NEGR1: variants seen among roughly 807,000 people sequenced by gnomAD.
The protein encoded by NEGR1 is IgLON family member 4.
In NEGR1, 10 loss-of-function variants were observed where a neutral mutation model predicts 40.9. The ratio of observed to expected loss-of-function variants is 0.24; its 90% CI spans 0.15 to 0.42. The LOEUF is 0.42. Among genes scored for constraint, NEGR1 ranks in the 10% least tolerant of loss-of-function variants. NEGR1 has a pLI of 1.00. For synonymous variants in NEGR1, 185 were observed against 166.8 expected, an observed-to-expected ratio of 1.11 and a Z score of -0.84; for missense variants, 352 against 438.9, an observed-to-expected ratio of 0.80 and a Z score of 1.77.
chr1:72,182,916 A>G (rs1652440030), intron 1 of NEGR1, among the ~76,000 whole-genome samples: 1 of 152,018 alleles, frequency 6.6e-6, no homozygotes, highest in Non-Finnish European at 1.5e-5. Flanking sequence ...TTTCCTTAAA[A>G]TGAAAACAAA....
chr1:72,187,136 T>C (rs1297870040), intron 1 of NEGR1, among the ~76,000 whole-genome samples: 1 of 151,552 alleles, frequency 6.6e-6, no homozygotes, highest in Non-Finnish European at 1.5e-5. Flanking sequence ...TTCTAGTGCT[T>C]TTCTCTTTAG....
chr1:71,945,414 C>T (rs757732822), intron 1 of NEGR1, among the ~76,000 whole-genome samples: 1 of 151,824 alleles, frequency 6.6e-6, no homozygotes, highest in Non-Finnish European at 1.5e-5. Flanking sequence ...AACAAAAAAC[C>T]CTATGTATAA....
At chr1:71,474,717 C>CAAAAAAAAAAAAAAAAA (rs56219737) in intron 6 of NEGR1, among the ~76,000 whole-genome samples, 2 of 86,048 alleles carry the variant, frequency 2.3e-5, no homozygotes, top group East Asian at 3.5e-4. Context: ...GACTCTATCT[C>CAAAAAAAAAAAAAAAAA]AAAAAAAAAA....
At chr1:71,408,089 G>A (rs1256527381) in intron 6 of NEGR1, among the ~76,000 whole-genome samples, 3 of 152,128 alleles carry the variant, frequency 2.0e-5, no homozygotes, top group East Asian at 3.9e-4. Flanking sequence ...AGTTGCATGT[G>A]CATACCCAGT....
chr1:71,734,049 C>A (rs1654969930), intron 3 of NEGR1, among the ~76,000 whole-genome samples: 1 of 152,148 alleles, frequency 6.6e-6, no homozygotes, highest in East Asian at 1.9e-4. Context: ...TTATTGTGAG[C>A]AATTTATTCA....
rs113538537 is a variant in NEGR1 at position 71,652,645 on chromosome 1, C to G, written c.668-41499G>C. Among the ~76,000 whole-genome samples, 1,165 of 152,100 alleles carry G rather than the reference C, an allele frequency of 7.7e-3. 10 individuals carry two copies. The highest frequency in any genetic ancestry group is 0.027 in the African/African-American group (1,115 of 41,482). On this transcript the variant is annotated intron_variant, in intron 4 of 6. Coordinates refer to ENST00000357731, the MANE Select transcript of NEGR1 (RefSeq NM_173808.3). ...CTTTGGGAGACTGAGGCCGGTGGAT[C>G]GCTTGAGCCCAGGCGTTCGAGACCA...
At chr1:72,132,351 G>A (rs534700313) in intron 1 of NEGR1, among the ~76,000 whole-genome samples, 91 of 152,250 alleles carry the variant, frequency 6.0e-4, no homozygotes, top group African/African-American at 2.1e-3. Flanking sequence ...CAGAAAAAAG[G>A]GAGCAGGCAA....
intron 1 of NEGR1, among the ~76,000 whole-genome samples, chr1:72,169,392 C>T (rs1051558157): frequency 3.3e-5 from 5 of 152,104 alleles, no homozygotes; most frequent in African/African-American, 1.2e-4. Context: ...CAATTTATTA[C>T]ACTATATATT....
At chr1:71,746,635 ATCT>A (rs1023010508) in intron 3 of NEGR1, among the ~76,000 whole-genome samples, 12 of 151,468 alleles carry the variant, frequency 7.9e-5, no homozygotes, top group African/African-American at 2.7e-4. Flanking sequence ...TCCTCAATGC[ATCT>A]TCTTTTTTTT....
chr1:72,022,736 A>G (rs2100423239), intron 1 of NEGR1, among the ~76,000 whole-genome samples: 1 of 152,250 alleles, frequency 6.6e-6, no homozygotes, highest in East Asian at 1.9e-4. Flanking sequence ...CAAGAAAAAT[A>G]AATTAGAGAT....
rs565824853 is a variant in NEGR1 at position 72,029,951 on chromosome 1, A to G, written c.177-94640T>C. 5.3e-5 allele frequency among the ~76,000 whole-genome samples: 8 copies of G among 152,296 alleles called. No individual in the cohort carries two copies. The East Asian group carries it at 1.5e-3, about 29-fold the overall frequency. On this transcript the variant is annotated intron_variant, in intron 1 of 6. Coordinates refer to ENST00000357731, the MANE Select transcript of NEGR1 (RefSeq NM_173808.3). ...AATATAAATACTGAAAAATGTAAAC[A>G]TGCTCTAAAAATTGTTACTAATTTC...
chr1:71,935,007 C>A, intron 2 of NEGR1, 72 bp downstream of exon 2: 2 of 851,656 alleles, frequency 2.3e-6, no homozygotes, highest in South Asian at 3.1e-5. Context: ...GCTTCCTAGT[C>A]ATTTTGATAC....
At chr1:71,949,498 T>A (rs1184425710) in intron 1 of NEGR1, among the ~76,000 whole-genome samples, 1 of 152,138 alleles carries the variant, frequency 6.6e-6, no homozygotes, top group African/African-American at 2.4e-5. Context: ...AAAAAATAGT[T>A]TTTTGAATAC....
intron 1 of NEGR1, among the ~76,000 whole-genome samples, chr1:71,987,441 G>A (rs919302302): frequency 7.2e-5 from 11 of 152,178 alleles, no homozygotes; most frequent in African/African-American, 2.4e-4. Flanking sequence ...GGTGAAGGGG[G>A]AGACAGTGCA....
intron 6 of NEGR1, among the ~76,000 whole-genome samples, chr1:71,459,181 C>T (rs1005783672): frequency 1.3e-4 from 20 of 152,096 alleles, no homozygotes; most frequent in African/African-American, 2.2e-4. Context: ...AACTTGGGGA[C>T]GACTTTTCTT....
At chr1:71,561,875 C>T (rs554784494) in intron 6 of NEGR1, among the ~76,000 whole-genome samples, 2 of 148,392 alleles carry the variant, frequency 1.3e-5, no homozygotes, top group East Asian at 4.0e-4. Flanking sequence ...ATAAATATAG[C>T]ATTCATGAAT....
intron 1 of NEGR1, among the ~76,000 whole-genome samples, chr1:72,121,096 T>C (rs2821242): frequency 0.99 from 150,828 of 152,068 alleles, 74,817 homozygotes; most frequent in Middle Eastern, 1. Flanking sequence ...AGTTCTTTTT[T>C]GTACTTTTTG....
intron 1 of NEGR1, among the ~76,000 whole-genome samples, chr1:71,987,439 G>A (rs1303756961): frequency 6.6e-6 from 1 of 152,120 alleles, no homozygotes; most frequent in Non-Finnish European, 1.5e-5. Flanking sequence ...TAGGTGAAGG[G>A]GGAGACAGTG....
chr1:71,417,540 A>G (rs1557518996), intron 6 of NEGR1, among the ~76,000 whole-genome samples: 1 of 152,196 alleles, frequency 6.6e-6, no homozygotes, highest in African/African-American at 2.4e-5. Flanking sequence ...CTTTACAAAC[A>G]TATAAACACA....
Sources: gnomAD v4.1 joint callset for allele counts (sites outside exome capture counted in the v4.1 genomes callset) on GRCh38, gnomAD v4.1.1 for gene constraint, MANE v1.5 for transcripts, NCBI Gene and HGNC (gene_info 2026-07-23, HGNC 2026-07-21) for gene names.